PCDHGA1: variants seen among roughly 807,000 people sequenced by gnomAD.
PCDHGA1 encodes protocadherin gamma subfamily A, 1, also known as protocadherin gamma-A1.
A neutral mutation model predicts 58.0 loss-of-function variants in PCDHGA1; 32 were observed. That is an observed-to-expected ratio of 0.55 (90% CI 0.42 to 0.74). The LOEUF (loss-of-function observed/expected upper bound fraction) is 0.74, where lower values mean the gene tolerates loss of function less well. Among genes scored for constraint, PCDHGA1 ranks in the 30% least tolerant of loss-of-function variants. The probability of loss-of-function intolerance (pLI) is 0.00; values close to 1 mark genes in which losing one functional copy is unlikely to be tolerated. For missense variants in PCDHGA1, 1,205 were observed against 1,182.3 expected (o/e 1.02, Z -0.28); for synonymous variants, 498 against 501.1 (o/e 0.99, Z 0.08).
intron 1 of PCDHGA1, chr5:141,414,763 C>A: frequency 6.2e-7 from 1 of 1,614,258 alleles, no homozygotes; most frequent in Non-Finnish European, 8.5e-7. Flanking sequence ...TGAGCAGTTT[C>A]ATGAGCTACA....
In PCDHGA1 at chr5:141,447,157, T is replaced by A. The variant is rs569196292; in HGVS notation, c.2422-47650T>A. On this transcript the variant is annotated intron_variant, in intron 1 of 3. Transcript: ENST00000517417. The stretch of plus-strand genomic sequence containing the variant: ...TTTGTTTTTTGTTTTTGTTTTTGTT[T>A]AAGCGGGGTCTTGCTCTTGTCGCGC... Among the ~76,000 whole-genome samples the A allele has an allele frequency of 4.1e-4, 62 of 152,254 alleles. No homozygotes were observed. The South Asian group carries it at 0.013, about 31-fold the overall frequency.
At chr5:141,392,242 G>T (rs1294476832) in intron 1 of PCDHGA1, 1 of 152,134 alleles carries the variant, frequency 6.6e-6, no homozygotes, top group Non-Finnish European at 1.5e-5. Context: ...TTAGTTATTT[G>T]TTAGTATATA....
At chr5:141,413,498 T>G (rs1187570193) in intron 1 of PCDHGA1, 1 of 1,614,026 alleles carries the variant, frequency 6.2e-7, no homozygotes, top group Admixed American at 1.7e-5. Context: ...CGGTGCGTGG[T>G]GAGTTTTAAT....
chr5:141,511,560 TC>T lies in PCDHGA1; in HGVS notation c.*390del. ...CCACCCCACTCCAACAGTTCCTCTT[TC>T]CCGAGTAAGGTGGTTGGGGTGTTGA... On this transcript the variant is annotated 3_prime_UTR_variant, in exon 4 of 4. Transcript: ENST00000517417. 3.3e-6 allele frequency: 1 copy of T among 298,990 alleles called. No individual in the cohort carries two copies. The highest frequency in any genetic ancestry group is 3.7e-5 in the South Asian group (1 of 27,250). The allele number at this position is 298,990 out of a possible 1,614,324, so 18.5% of individuals were successfully genotyped here. A position where few individuals can be genotyped will look rare whatever the true frequency, so the allele number is the denominator to read the frequency against.
intron 1 of PCDHGA1, among the ~76,000 whole-genome samples, chr5:141,462,550 A>G (rs1485478117): frequency 6.6e-6 from 1 of 151,942 alleles, no homozygotes; most frequent in East Asian, 1.9e-4. Flanking sequence ...TTTCTTCTTC[A>G]GTGTTTACTG....
At chr5:141,475,491 C>T (rs1321482409) in intron 1 of PCDHGA1, among the ~76,000 whole-genome samples, 2 of 152,202 alleles carry the variant, frequency 1.3e-5, no homozygotes, top group African/African-American at 4.8e-5. Flanking sequence ...AGAGATAAAA[C>T]TGAAATTATT....
chr5:141,489,111 C>G lies in PCDHGA1; in HGVS notation c.2422-5696C>G. 1.9e-6 allele frequency: 1 copy of G among 518,042 alleles called. No individual in the cohort carries two copies. Among genetic ancestry groups the G allele is most frequent in the Non-Finnish European group, 3.2e-6 (1 of 308,182 alleles). The allele number at this position is 518,042 out of a possible 1,614,324, so 32.1% of individuals were successfully genotyped here. The stretch of plus-strand genomic sequence containing the variant: ...GTGACTAAGAACTGCTGCAAGCAGG[C>G]AAACCTCCGAGCAGTTTTTAAGAGG... On this transcript the variant is annotated intron_variant, in intron 1 of 3. Coordinates refer to ENST00000517417, the MANE Select transcript of PCDHGA1 (RefSeq NM_018912.3). This position sits in a 1 kb window ranked among gnomAD's most constrained non-coding sequence, Gnocchi z 4.5.
In PCDHGA1 at chr5:141,407,217, G is replaced by C. The variant is rs181833770; in HGVS notation, c.2421+74112G>C. 5.8e-3 allele frequency among the ~76,000 whole-genome samples: 885 copies of C among 151,964 alleles called. 4 individuals carry two copies. Among genetic ancestry groups the C allele is most frequent in the Non-Finnish European group, 9.1e-3 (620 of 67,966 alleles). ...TCAAACACGTTTTCCCCCTTAAGTG[G>C]GTAGCAAAAAAAATAAAGCATACTT... On this transcript the variant is annotated intron_variant, in intron 1 of 3. Transcript: ENST00000517417.
chr5:141,477,566 C>T lies in PCDHGA1; in HGVS notation c.2422-17241C>T, dbSNP rs749100730. On this transcript the variant is annotated intron_variant, in intron 1 of 3. Coordinates refer to ENST00000517417, the MANE Select transcript of PCDHGA1 (RefSeq NM_018912.3). The surrounding 1 kb of genome is among the most constrained non-coding windows in gnomAD (Gnocchi z 4.9). ...AATACTAAACCTAAGTGTCTGGGAC[C>T]CCGACGCCCCGCAGAATGCTCGGCT... The T allele has an allele frequency of 1.9e-6, 3 of 1,613,988 alleles. No homozygotes were observed. The highest frequency in any genetic ancestry group is 8.5e-7 in the Non-Finnish European group (1 of 1,180,032).
chr5:141,355,466 G>A (rs1561508995), intron 1 of PCDHGA1: 1 of 1,614,094 alleles, frequency 6.2e-7, no homozygotes, highest in Non-Finnish European at 8.5e-7. Context: ...ACCGCGGGTA[G>A]GATAGACAGG....
intron 1 of PCDHGA1, among the ~76,000 whole-genome samples, chr5:141,465,995 A>G (rs551920109): frequency 1.4e-3 from 208 of 151,976 alleles, no homozygotes; most frequent in African/African-American, 4.8e-3. Context: ...GGTGGCAGGC[A>G]CCTGTAGTCC....
chr5:141,487,622 C>T lies in PCDHGA1; in HGVS notation c.2422-7185C>T. Reference sequence around the variant, plus strand: ...TCTTCTCTATGGGCTAGAGGTGAGACCTTTGCAGGCTCAACAAATGCTTGA... The same window carrying T: ...TCTTCTCTATGGGCTAGAGGTGAGATCTTTGCAGGCTCAACAAATGCTTGA... On this transcript the variant is annotated intron_variant, in intron 1 of 3. Coordinates refer to ENST00000517417, the MANE Select transcript of PCDHGA1 (RefSeq NM_018912.3). This position sits in a 1 kb window ranked among gnomAD's most constrained non-coding sequence, Gnocchi z 5.0. 1.2e-6 allele frequency: 2 copies of T among 1,614,174 alleles called. No homozygotes were observed. Among genetic ancestry groups the T allele is most frequent in the South Asian group, 1.1e-5 (1 of 91,084 alleles).
At chr5:141,364,811 G>A (rs1239930592) in intron 1 of PCDHGA1, 1 of 1,613,902 alleles carries the variant, frequency 6.2e-7, no homozygotes, top group Non-Finnish European at 8.5e-7. Context: ...GCGGGATGCG[G>A]ATGTGGGTGT....
intron 1 of PCDHGA1, chr5:141,392,765 C>T (rs952463522): frequency 2.7e-6 from 4 of 1,482,974 alleles, no homozygotes; most frequent in Admixed American, 5.1e-5. Flanking sequence ...TAAATAAGAC[C>T]CATTTATGCA....
At chr5:141,484,155 T>G (rs2099592564) in intron 1 of PCDHGA1, among the ~76,000 whole-genome samples, 1 of 152,224 alleles carries the variant, frequency 6.6e-6, no homozygotes, top group Non-Finnish European at 1.5e-5. Context: ...GTAGGCACAA[T>G]GCTGTTGGTA....
Position 141,432,220 on chromosome 5 carries a change from C to T in PCDHGA1, c.2422-62587C>T. The T allele has an allele frequency of 6.2e-7, 1 of 1,614,246 alleles. No homozygotes were observed. Among genetic ancestry groups the T allele is most frequent in the Non-Finnish European group, 8.5e-7 (1 of 1,180,040 alleles). Reference sequence around the variant, plus strand: ...CCGACTGTGAAGAGAACGCCCAGATCACTTATTCCCTGGCTGAGAACACCA... The same window carrying T: ...CCGACTGTGAAGAGAACGCCCAGATTACTTATTCCCTGGCTGAGAACACCA... On this transcript the variant is annotated intron_variant, in intron 1 of 3. Coordinates refer to ENST00000517417, the MANE Select transcript of PCDHGA1 (RefSeq NM_018912.3). The surrounding 1 kb of genome is among the most constrained non-coding windows in gnomAD (Gnocchi z 6.0).
rs1454432396 is a variant in PCDHGA1 at position 141,388,086 on chromosome 5, G to T, written c.2421+54981G>T. 2.9e-6 allele frequency: 4 copies of T among 1,368,264 alleles called. No individual in the cohort carries two copies. Among genetic ancestry groups the T allele is most frequent in the Admixed American group, 2.0e-5 (1 of 48,944 alleles). The allele number at this position is 1,368,264 out of a possible 1,614,324, so 84.8% of individuals were successfully genotyped here. On this transcript the variant is annotated intron_variant, in intron 1 of 3. Coordinates refer to ENST00000517417, the MANE Select transcript of PCDHGA1 (RefSeq NM_018912.3). ...GGAGTTACCGACTCGAAAACTGCGCGTCAGTTCGGAGAAGCCTTACTTCAC... is the reference window on the plus strand; with the variant it reads ...GGAGTTACCGACTCGAAAACTGCGCTTCAGTTCGGAGAAGCCTTACTTCAC...
At chr5:141,364,516 C>T (rs1182506562) in intron 1 of PCDHGA1, 50 of 1,613,884 alleles carry the variant, frequency 3.1e-5, no homozygotes, top group Non-Finnish European at 4.2e-5. Flanking sequence ...TGGCGGAGCG[C>T]GGAGTCCGCA....
intron 1 of PCDHGA1, among the ~76,000 whole-genome samples, chr5:141,474,165 A>G (rs1444314307): frequency 6.6e-6 from 1 of 152,234 alleles, no homozygotes; most frequent in Non-Finnish European, 1.5e-5. Context: ...GACAGGCCTT[A>G]TTATTGAGAA....
Sources: allele counts gnomAD v4.1 joint callset (sites outside exome capture counted in the v4.1 genomes callset), GRCh38; gene constraint gnomAD v4.1.1; non-coding constraint Gnocchi (gnomAD v3.1); transcripts MANE v1.5; gene names NCBI Gene and HGNC (gene_info 2026-07-23, HGNC 2026-07-21).